MCTP1: variants seen among roughly 807,000 people sequenced by gnomAD.
MCTP1 encodes multiple C2 and transmembrane domain containing 1.
In MCTP1, 69 loss-of-function variants were observed where a neutral mutation model predicts 120.6. That is an observed-to-expected ratio of 0.57 (90% CI 0.47 to 0.70). MCTP1 has a LOEUF of 0.70. Among genes scored for constraint, MCTP1 ranks in the 30% least tolerant of loss-of-function variants. The probability of loss-of-function intolerance (pLI) is 0.00; values close to 1 mark genes in which losing one functional copy is unlikely to be tolerated. For synonymous variants in MCTP1, 529 were observed against 493.1 expected, an observed-to-expected ratio of 1.07 and a Z score of -0.96; for missense variants, 1,203 against 1,248.8, an observed-to-expected ratio of 0.96 and a Z score of 0.55.
At chr5:95,015,327 T>C (rs1042380586) in intron 2 of MCTP1, among the ~76,000 whole-genome samples, 1 of 152,112 alleles carries the variant, frequency 6.6e-6, no homozygotes, top group Admixed American at 6.6e-5. Context: ...AGATTATTGT[T>C]ATGGGTTCCT....
At chr5:95,278,467 T>A (rs1760032644) in intron 1 of MCTP1, among the ~76,000 whole-genome samples, 1 of 152,208 alleles carries the variant, frequency 6.6e-6, no homozygotes, top group African/African-American at 2.4e-5. Flanking sequence ...CACGTTTATA[T>A]AAAGCAAGTT....
intron 17 of MCTP1, among the ~76,000 whole-genome samples, chr5:94,859,493 T>C (rs962030844): frequency 6.6e-6 from 1 of 151,782 alleles, no homozygotes; most frequent in African/African-American, 2.4e-5. Flanking sequence ...AGGTGCTGCT[T>C]ATGCTAATTA....
chr5:94,880,086 A>G (rs1249606980), intron 12 of MCTP1, among the ~76,000 whole-genome samples: 2 of 152,102 alleles, frequency 1.3e-5, no homozygotes, highest in Non-Finnish European at 2.9e-5. Context: ...AAATGAGAAG[A>G]GGCCGTGAGA....
At chr5:95,272,866 T>C (rs961453762) in intron 1 of MCTP1, among the ~76,000 whole-genome samples, 2 of 152,218 alleles carry the variant, frequency 1.3e-5, no homozygotes, top group Admixed American at 6.5e-5. Flanking sequence ...GTCAAGTTTT[T>C]TTTCCACTTG....
At chr5:94,769,531 T>A (rs1773592683) in intron 19 of MCTP1, among the ~76,000 whole-genome samples, 1 of 152,194 alleles carries the variant, frequency 6.6e-6, no homozygotes, top group Non-Finnish European at 1.5e-5. Flanking sequence ...GAGGTTTTCA[T>A]ATCTATTATA....
At chr5:94,789,891 A>G (rs144928929) in intron 18 of MCTP1, among the ~76,000 whole-genome samples, 1 of 152,174 alleles carries the variant, frequency 6.6e-6, no homozygotes, top group Non-Finnish European at 1.5e-5. Context: ...AAATTAGATA[A>G]TTTTTATTTG....
At chr5:95,128,578 C>T (rs189672731) in intron 1 of MCTP1, among the ~76,000 whole-genome samples, 11 of 152,034 alleles carry the variant, frequency 7.2e-5, no homozygotes, top group East Asian at 3.8e-4. Flanking sequence ...CAAAGGGCCA[C>T]GTATTGTATG....
At chr5:95,246,082 T>C (rs186712021) in intron 1 of MCTP1, among the ~76,000 whole-genome samples, 4 of 152,090 alleles carry the variant, frequency 2.6e-5, no homozygotes, top group African/African-American at 9.7e-5. Context: ...CAAACTAAGC[T>C]TCCTAAGTGA....
At chr5:95,181,603 T>TGA (rs111990126) in intron 1 of MCTP1, among the ~76,000 whole-genome samples, 3,093 of 149,352 alleles carry the variant, frequency 0.021, 100 homozygotes, top group African/African-American at 0.07. Flanking sequence ...ATACACAGGG[T>TGA]GAGAGAGAGA....
intron 1 of MCTP1, 75 bp from the exon 2 acceptor site, chr5:95,017,559 A>AAAGG: frequency 3.4e-5 from 26 of 759,010 alleles, no homozygotes; most frequent in South Asian, 7.7e-5. Context: ...GACCATATAT[A>AAAGG]GCTTAACCCA....
chr5:94,785,319 CTTT>C (rs1777440616), intron 18 of MCTP1, among the ~76,000 whole-genome samples: 1 of 152,004 alleles, frequency 6.6e-6, no homozygotes, highest in Non-Finnish European at 1.5e-5. Context: ...CATCTAAAGG[CTTT>C]ACAATGTATT....
intron 1 of MCTP1, among the ~76,000 whole-genome samples, chr5:95,160,575 G>A (rs1235610906): frequency 6.6e-6 from 1 of 151,942 alleles, no homozygotes; most frequent in Non-Finnish European, 1.5e-5. Context: ...AACCCCAAAA[G>A]TACAGCAACA....
At chr5:94,944,747 A>C (rs1433794829) in intron 3 of MCTP1, among the ~76,000 whole-genome samples, 1 of 152,198 alleles carries the variant, frequency 6.6e-6, no homozygotes, top group East Asian at 1.9e-4. Flanking sequence ...TGGGAAGAAA[A>C]GGAAACACTA....
intron 1 of MCTP1, among the ~76,000 whole-genome samples, chr5:95,037,402 C>T (rs865943003): frequency 3.9e-5 from 6 of 152,106 alleles, no homozygotes; most frequent in African/African-American, 1.4e-4. Context: ...GTTAAATCTA[C>T]CTATGCATTG....
At chr5:95,258,988 A>G (rs1758186101) in intron 1 of MCTP1, among the ~76,000 whole-genome samples, 2 of 152,192 alleles carry the variant, frequency 1.3e-5, no homozygotes, top group African/African-American at 2.4e-5. Context: ...ACAATTTCCT[A>G]AAGATTAAAA....
chr5:95,179,326 A>G (rs984677093), intron 1 of MCTP1, among the ~76,000 whole-genome samples: 3 of 152,240 alleles, frequency 2.0e-5, no homozygotes, highest in African/African-American at 7.2e-5. Flanking sequence ...CGAGTAGCTC[A>G]AAGAACATCC....
chr5:94,993,143 G>A (rs1831940443), intron 2 of MCTP1, among the ~76,000 whole-genome samples: 1 of 152,026 alleles, frequency 6.6e-6, no homozygotes, highest in Non-Finnish European at 1.5e-5. Context: ...AACACTAGAA[G>A]TTTTAGAAAA....
chr5:95,033,510 C>T (rs151115232), intron 1 of MCTP1, among the ~76,000 whole-genome samples: 52 of 152,000 alleles, frequency 3.4e-4, no homozygotes, highest in African/African-American at 1.2e-3. Context: ...AGAAAAAGCA[C>T]GTCATAAAAT....
chr5:94,772,740 T>C (rs1041335908), intron 19 of MCTP1, among the ~76,000 whole-genome samples: 2 of 152,194 alleles, frequency 1.3e-5, no homozygotes, highest in Non-Finnish European at 2.9e-5. Flanking sequence ...GTATATTCCC[T>C]TATTGAACTA....
Sources: gnomAD v4.1 joint callset for allele counts (sites outside exome capture counted in the v4.1 genomes callset) on GRCh38, gnomAD v4.1.1 for gene constraint, MANE v1.5 for transcripts, NCBI Gene and HGNC (gene_info 2026-07-23, HGNC 2026-07-21) for gene names.